Variants in EYS observed in about 807,000 individuals in gnomAD.
The protein encoded by EYS is protein eyes shut homolog.
A neutral mutation model predicts 282.1 loss-of-function variants in EYS; 250 were observed. The observed-to-expected ratio is 0.89, with a 90% CI of 0.80 to 0.98. The LOEUF is 0.98. EYS is among the 50% of genes least tolerant of loss of function. The probability of loss-of-function intolerance (pLI) is 0.00; values close to 1 mark genes in which losing one functional copy is unlikely to be tolerated. For missense variants in EYS, 4,016 were observed against 3,709.0 expected, an observed-to-expected ratio of 1.08 and a Z score of -2.15; for synonymous variants, 1,355 against 1,282.9, an observed-to-expected ratio of 1.06 and a Z score of -1.20.
chr6:65,437,224 A>G (rs1306904618), intron 5 of EYS, among the ~76,000 whole-genome samples: 1 of 152,168 alleles, frequency 6.6e-6, no homozygotes, highest in Non-Finnish European at 1.5e-5. Flanking sequence ...ATAATAAAGC[A>G]ATATCCTAAC....
At chr6:64,212,157 G>T (rs1468129391) in intron 31 of EYS, among the ~76,000 whole-genome samples, 1 of 151,180 alleles carries the variant, frequency 6.6e-6, no homozygotes, top group Non-Finnish European at 1.5e-5. Flanking sequence ...TATAGCTTAA[G>T]AGAAGTAAAA....
intron 1 of EYS, among the ~76,000 whole-genome samples, chr6:65,663,861 C>CTTTTTTTTTTTTTTTTTTTTTTT (rs1393753538): frequency 1.1e-5 from 1 of 90,866 alleles, no homozygotes; most frequent in Non-Finnish European, 2.4e-5. Flanking sequence ...TTTGTTTTTT[C>CTTTTTTTTTTTTTTTTTTTTTTT]TTTTCTTTTT....
At chr6:64,389,810 A>T (rs1339759377) in intron 28 of EYS, among the ~76,000 whole-genome samples, 1 of 152,192 alleles carries the variant, frequency 6.6e-6, no homozygotes, top group Non-Finnish European at 1.5e-5. Flanking sequence ...TACAGCTCCC[A>T]GCGTGAGCGA....
intron 15 of EYS, among the ~76,000 whole-genome samples, chr6:64,915,009 G>C (rs1255743299): frequency 6.6e-6 from 1 of 151,800 alleles, no homozygotes; most frequent in Non-Finnish European, 1.5e-5. Context: ...AATTATTTTG[G>C]TGACTTTCCA....
chr6:64,344,403 A>G (rs902232681), intron 29 of EYS, among the ~76,000 whole-genome samples: 4 of 152,084 alleles, frequency 2.6e-5, no homozygotes, highest in Non-Finnish European at 4.4e-5. Context: ...CTGGTTCAAC[A>G]TACGAAAATC....
chr6:65,200,479 G>T (rs1201514718), intron 12 of EYS, among the ~76,000 whole-genome samples: 1 of 151,438 alleles, frequency 6.6e-6, no homozygotes, highest in Non-Finnish European at 1.5e-5. Flanking sequence ...AGGGGTGGGG[G>T]CTTTCCAAGG....
intron 31 of EYS, among the ~76,000 whole-genome samples, chr6:64,139,086 T>A (rs1419266287): frequency 6.6e-6 from 1 of 152,110 alleles, no homozygotes; most frequent in Non-Finnish European, 1.5e-5. Context: ...GTACAGCATA[T>A]ATAAGTTTTA....
chr6:63,950,392 C>T (rs577701275), intron 35 of EYS, among the ~76,000 whole-genome samples: 1 of 151,648 alleles, frequency 6.6e-6, no homozygotes, highest in Non-Finnish European at 1.5e-5. Flanking sequence ...CATGTTGTGA[C>T]CCCCGCCCCT....
At chr6:64,890,694 C>T (rs897999871) in intron 18 of EYS, among the ~76,000 whole-genome samples, 1 of 152,074 alleles carries the variant, frequency 6.6e-6, no homozygotes, top group Non-Finnish European at 1.5e-5. Flanking sequence ...TTTTATGAAT[C>T]TCAAATATGT....
rs556942813 is a variant in EYS, at chr6:65,524,542, C to A, written c.-332-28549G>T. Among the ~76,000 whole-genome samples, 15 of 152,268 alleles carry A rather than the reference C, an allele frequency of 9.9e-5. No individual in the cohort carries two copies. In the East Asian group the frequency reaches 2.3e-3, roughly 24 times the overall value. On this transcript the variant is annotated intron_variant, in intron 2 of 42. Transcript: ENST00000503581. ...TTCCCAGCCCTTCAAGATGTTGCCA[C>A]CTAGCTGGTACTGTAACCAGCTCTT...
At chr6:65,146,034 A>G (rs1581953665) in intron 12 of EYS, among the ~76,000 whole-genome samples, 1 of 151,894 alleles carries the variant, frequency 6.6e-6, no homozygotes, top group African/African-American at 2.4e-5. Flanking sequence ...ATGAATTCAG[A>G]ATTTATTTCA....
chr6:64,491,795 A>G (rs1446852315), intron 26 of EYS, among the ~76,000 whole-genome samples: 1 of 149,112 alleles, frequency 6.7e-6, no homozygotes, highest in Non-Finnish European at 1.5e-5. Context: ...GTGACTTTGT[A>G]CTGCAGGTTT....
intron 31 of EYS, among the ~76,000 whole-genome samples, chr6:64,191,248 T>A (rs1175068655): frequency 6.6e-6 from 1 of 152,074 alleles, no homozygotes; most frequent in Non-Finnish European, 1.5e-5. Flanking sequence ...TTTTAAGAAA[T>A]CCTTCTCTAC....
intron 2 of EYS, among the ~76,000 whole-genome samples, chr6:65,556,213 G>A (rs1768794190): frequency 6.6e-6 from 1 of 152,206 alleles, no homozygotes; most frequent in Non-Finnish European, 1.5e-5. Flanking sequence ...GCACACACCT[G>A]TAGTCCTAGC....
intron 28 of EYS, among the ~76,000 whole-genome samples, chr6:64,394,406 A>G (rs1773281815): frequency 6.6e-6 from 1 of 152,180 alleles, no homozygotes. Flanking sequence ...AGTAACCAAA[A>G]CAGCATGGCA....
intron 5 of EYS, among the ~76,000 whole-genome samples, chr6:65,471,229 C>CAAAAA (rs527251318): frequency 0.042 from 4,056 of 96,620 alleles, 121 homozygotes; most frequent in South Asian, 0.071. Context: ...CTCATCTTTA[C>CAAAAA]AAAAAAAAAA....
At chr6:63,891,474 A>G (rs1043832641) in intron 35 of EYS, among the ~76,000 whole-genome samples, 3 of 152,246 alleles carry the variant, frequency 2.0e-5, no homozygotes, top group Non-Finnish European at 4.4e-5. Context: ...AAACAGAACC[A>G]ATGAAAAAAA....
At chr6:65,638,243 G>T (rs1198546567) in intron 2 of EYS, among the ~76,000 whole-genome samples, 2 of 152,108 alleles carry the variant, frequency 1.3e-5, no homozygotes, top group Admixed American at 6.5e-5. Flanking sequence ...GATCCACTAG[G>T]GGTCTCCTCT....
At chr6:64,313,412 G>T (rs771847407) in intron 29 of EYS, among the ~76,000 whole-genome samples, 1 of 152,116 alleles carries the variant, frequency 6.6e-6, no homozygotes, top group Admixed American at 6.5e-5. Context: ...TTTGATTGTT[G>T]TACCTGAAAA....
Sources: gnomAD v4.1 joint callset for allele counts (sites outside exome capture counted in the v4.1 genomes callset) on GRCh38, gnomAD v4.1.1 for gene constraint, MANE v1.5 for transcripts, NCBI Gene and HGNC (gene_info 2026-07-23, HGNC 2026-07-21) for gene names.